Variants in LARP4B observed in about 807,000 individuals in gnomAD.
The protein encoded by LARP4B is la-related protein 4B.
A neutral mutation model predicts 89.8 loss-of-function variants in LARP4B; 12 were observed. The ratio of observed to expected loss-of-function variants is 0.13; its 90% CI spans 0.09 to 0.22. LARP4B has a LOEUF of 0.22. Among genes scored for constraint, LARP4B ranks in the 10% least tolerant of loss-of-function variants. The pLI, the probability that LARP4B is intolerant of heterozygous loss-of-function variation, is 1.00. For missense variants in LARP4B, 757 were observed against 947.7 expected (o/e 0.80, Z 2.64); for synonymous variants, 367 against 363.3 (o/e 1.01, Z -0.12).
intron 3 of LARP4B, among the ~76,000 whole-genome samples, chr10:883,074 G>C (rs1217245228): frequency 6.6e-6 from 1 of 152,200 alleles, no homozygotes; most frequent in Non-Finnish European, 1.5e-5. Flanking sequence ...TATTATGTTG[G>C]ACTGAAAGTC....
chr10:895,055 G>A lies in LARP4B; in HGVS notation c.-39-9295C>T, dbSNP rs529607071. On this transcript the variant is annotated intron_variant, in intron 1 of 17. Transcript: ENST00000316157. ...CAAAAAATTAGCTGCGCATGGCGGC[G>A]TGTGCCTGTAGTCCCAGCTACTCGA... is the stretch of plus-strand genomic sequence containing the variant. Among the ~76,000 whole-genome samples, 17 of 152,240 alleles carry A rather than the reference G, an allele frequency of 1.1e-4. 1 individual carries two copies. In the South Asian group the frequency reaches 3.1e-3, roughly 28 times the overall value.
At chr10:889,429 C>T (rs1023682146) in intron 1 of LARP4B, among the ~76,000 whole-genome samples, 4 of 152,034 alleles carry the variant, frequency 2.6e-5, no homozygotes, top group Non-Finnish European at 4.4e-5. Context: ...GCAAATCCAC[C>T]GAACATGCAC....
the LARP4B span, chr10:972,599 G>T: frequency 2.2e-6 from 1 of 457,334 alleles, no homozygotes; most frequent in Non-Finnish European, 4.4e-6. Flanking sequence ...GACCAAGAAA[G>T]GGGTGTTTAG....
rs1231258975 is a variant in LARP4B at position 822,694 on chromosome 10, C to A, written c.1485-1849G>T. Reference sequence around the variant, plus strand: ...CAAGGGACCCAGGGTGGTCCCAGCACCATAGAGGAAACATCACTGTGACAC... The same window carrying A: ...CAAGGGACCCAGGGTGGTCCCAGCAACATAGAGGAAACATCACTGTGACAC... On this transcript the variant is annotated intron_variant, in intron 13 of 17. Transcript: ENST00000316157. The surrounding 1 kb of genome is among the most constrained non-coding windows in gnomAD (Gnocchi z 4.6). Among the ~76,000 whole-genome samples, 1 of 152,212 alleles carries A rather than the reference C, an allele frequency of 6.6e-6. No homozygotes were observed. The highest frequency in any genetic ancestry group is 1.5e-5 in the Non-Finnish European group (1 of 68,044).
intron 1 of LARP4B, among the ~76,000 whole-genome samples, chr10:915,686 C>T (rs1294371695): frequency 1.3e-5 from 2 of 151,494 alleles, no homozygotes; most frequent in African/African-American, 4.9e-5. Context: ...CGCCTGTAGT[C>T]CCAGCTACTC....
intron 11 of LARP4B, among the ~76,000 whole-genome samples, chr10:827,057 A>C (rs369025386): frequency 6.8e-4 from 103 of 152,236 alleles, no homozygotes; most frequent in African/African-American, 1.4e-3. Flanking sequence ...GGGCGGATCA[A>C]AAGGTCAGGA....
intron 5 of LARP4B, among the ~76,000 whole-genome samples, chr10:852,380 T>A (rs1353028698): frequency 6.6e-6 from 1 of 152,128 alleles, no homozygotes; most frequent in Non-Finnish European, 1.5e-5. Flanking sequence ...CCGAACACAC[T>A]AAAAAACAAC....
chr10:877,288 G>A lies in LARP4B; in HGVS notation c.141+7159C>T, dbSNP rs58216784. On this transcript the variant is annotated intron_variant, in intron 3 of 17. Transcript: ENST00000316157. The stretch of plus-strand genomic sequence containing the variant: ...ACCAGCTACTTGGGAGGCTGAGGTA[G>A]GAGGATAACTTGAGTCCAAAAGTTC... Among the ~76,000 whole-genome samples the A allele has an allele frequency of 3.1e-3, 470 of 152,282 alleles. 5 individuals are homozygous for A. Among genetic ancestry groups the A allele is most frequent in the African/African-American group, 0.011 (456 of 41,540 alleles).
At chr10:821,521 T>C (rs1832351236) in intron 13 of LARP4B, among the ~76,000 whole-genome samples, 1 of 152,208 alleles carries the variant, frequency 6.6e-6, no homozygotes, top group African/African-American at 2.4e-5. Context: ...CCTAGGACTC[T>C]AGGATGGCCA....
At chr10:903,552 A>C (rs964312020) in intron 1 of LARP4B, 3 of 152,252 alleles carry the variant, frequency 2.0e-5, no homozygotes, top group African/African-American at 7.2e-5. Flanking sequence ...CTGATGGACA[A>C]ACGTAGTAGC....
At chr10:887,859 C>T (rs1218491373) in intron 1 of LARP4B, among the ~76,000 whole-genome samples, 1 of 148,830 alleles carries the variant, frequency 6.7e-6, no homozygotes, top group Non-Finnish European at 1.5e-5. Flanking sequence ...CCCCAATCTA[C>T]TAAAAATACA....
chr10:891,971 T>A (rs559411174), intron 1 of LARP4B, among the ~76,000 whole-genome samples: 135 of 152,352 alleles, frequency 8.9e-4, no homozygotes, highest in African/African-American at 3.2e-3. Flanking sequence ...TTGTTACTGG[T>A]TCAAGAGACC....
At chr10:981,052 GA>G in the LARP4B span, among the ~76,000 whole-genome samples, 1 of 152,210 alleles carries the variant, frequency 6.6e-6, no homozygotes, top group African/African-American at 2.4e-5. Flanking sequence ...TCTTCTGTCA[GA>G]TGCCCTAAAG....
rs754812978 is a variant in LARP4B at position 820,782 on chromosome 10, T to C, written c.1530+18A>G. 6 of 1,603,698 alleles carry C rather than the reference T, an allele frequency of 3.7e-6. No individual in the cohort carries two copies. The South Asian group carries it at 6.6e-5, about 18-fold the overall frequency. On this transcript the variant is annotated intron_variant, in intron 14 of 17. Transcript: ENST00000316157. ...GATTTAAATGTCTTGTGAAGAGGTATATGCTTTATGTACTCACTGTAAACT... is the reference window on the plus strand; with the variant it reads ...GATTTAAATGTCTTGTGAAGAGGTACATGCTTTATGTACTCACTGTAAACT...
chr10:862,282 C>A (rs979699678), intron 5 of LARP4B, among the ~76,000 whole-genome samples: 307 of 37,448 alleles, frequency 8.2e-3, no homozygotes, highest in African/African-American at 0.022. Context: ...AAAAAAAAAA[C>A]AACCGTCACA....
At chr10:861,835 A>G (rs1053097947) in intron 5 of LARP4B, among the ~76,000 whole-genome samples, 1 of 152,214 alleles carries the variant, frequency 6.6e-6, no homozygotes, top group Non-Finnish European at 1.5e-5. Context: ...TTAGTCTGAA[A>G]CTTAAATTGT....
the LARP4B span, chr10:987,484 G>C: frequency 1.3e-5 from 2 of 152,238 alleles, no homozygotes; most frequent in African/African-American, 2.4e-5. Flanking sequence ...GCCCACCTCT[G>C]CTGCCTGTTA....
At chr10:893,103 G>A (rs1216832630) in intron 1 of LARP4B, among the ~76,000 whole-genome samples, 4 of 148,572 alleles carry the variant, frequency 2.7e-5, no homozygotes, top group South Asian at 2.2e-4. Context: ...CAGTAGAGAC[G>A]GGATTTTGTC....
At chr10:818,521 G>A (rs941447663) in intron 14 of LARP4B, 1 of 152,286 alleles carries the variant, frequency 6.6e-6, no homozygotes, top group East Asian at 1.9e-4. Context: ...CAGATTCTTT[G>A]ACTTCCAAGA....
Sources: gnomAD v4.1 joint callset for allele counts (sites outside exome capture counted in the v4.1 genomes callset) on GRCh38, gnomAD v4.1.1 for gene constraint, Gnocchi (gnomAD v3.1) non-coding constraint, MANE v1.5 for transcripts, NCBI Gene and HGNC (gene_info 2026-07-23, HGNC 2026-07-21) for gene names.